Variants in EPHX3 observed in about 807,000 individuals in gnomAD.
EPHX3 encodes the protein epoxide hydrolase 3.
A neutral mutation model predicts 40.2 loss-of-function variants in EPHX3; 39 were observed. The ratio of observed to expected loss-of-function variants is 0.97; its 90% confidence interval spans 0.75 to 1.27. EPHX3 has a LOEUF of 1.27. EPHX3 is among the 50% of genes most tolerant of loss of function. The probability of loss-of-function intolerance (pLI) is 0.00; values close to 1 mark genes in which losing one functional copy is unlikely to be tolerated. For synonymous variants in EPHX3, 213 were observed against 209.7 expected (o/e 1.02, Z -0.14); for missense variants, 442 against 474.0 (o/e 0.93, Z 0.63).
intron 4 of EPHX3, among the ~76,000 whole-genome samples, chr19:15,229,917 G>GA (rs2047142066): frequency 4.0e-5 from 3 of 74,478 alleles, no homozygotes; most frequent in Admixed American, 1.5e-4. Context: ...AAAAAGAAAA[G>GA]AAAAGAAAAA....
At chr19:15,227,939 C>A in intron 5 of EPHX3, 32 bp from the exon 6 acceptor site, 1 of 1,613,962 alleles carries the variant, frequency 6.2e-7, no homozygotes, top group Non-Finnish European at 8.5e-7. Flanking sequence ...GGCTTCAGTG[C>A]CCAGCCTGCC....
Position 15,228,060 on chromosome 19 carries a change from G to A in EPHX3, c.657C>T (p.His219=). 1 of 1,612,460 alleles carries A rather than the reference G, an allele frequency of 6.2e-7. No individual in the cohort carries two copies. Among genetic ancestry groups the A allele is most frequent in the Non-Finnish European group, 8.5e-7 (1 of 1,179,086 alleles). The change falls in exon 5 of 7, where the codon CAC becomes CAT. Residue 219 remains histidine (H), a synonymous_variant. Transcript: ENST00000221730. The stretch of plus-strand genomic sequence containing the variant: ...AGGGCAGCTGGAACAGGAACATGTA[G>A]TGGGAACGGAAGAACTGGCTGATGT... ...LHHISQFFRS[H]YMFLFQLPWL... is the part of the protein sequence containing the mutation.
At chr19:15,229,570 GCA>G (rs1183410011) in intron 4 of EPHX3, among the ~76,000 whole-genome samples, 9 of 143,428 alleles carry the variant, frequency 6.3e-5, no homozygotes, top group African/African-American at 1.8e-4. Context: ...CCACTGCACT[GCA>G]CAGAGTGAGA....
At position 15,227,831 on chromosome 19, in the gene EPHX3, T is replaced by TA. The variant is rs1568371054; in HGVS notation, c.796dup (p.Tyr266LeufsTer2). The TA allele has an allele frequency of 6.2e-7, 1 of 1,614,028 alleles. No homozygotes were observed. The highest frequency in any genetic ancestry group is 1.1e-5 in the South Asian group (1 of 91,088). On this transcript the variant is annotated frameshift_variant, in exon 6 of 7. Transcript: ENST00000221730. LOFTEE classifies it high-confidence loss of function. Reference sequence around the variant, plus strand: ...GAGGCCACCAGGCTGTGAGAAGTTATAAAGGAAGGCCTCGAGCTCGCTGGG... The same window carrying TA: ...GAGGCCACCAGGCTGTGAGAAGTTATAAAAGGAAGGCCTCGAGCTCGCTGGG...
intron 4 of EPHX3, among the ~76,000 whole-genome samples, chr19:15,229,609 A>G (rs969104461): frequency 6.0e-5 from 9 of 149,770 alleles, no homozygotes; most frequent in South Asian, 2.1e-4. Context: ...AAAAAAAAAA[A>G]AGGGGCCAGG....
At chr19:15,235,545 AT>A (rs1485224114), upstream of EPHX3, 3 of 130,564 alleles carry the variant, frequency 2.3e-5, no homozygotes, top group African/African-American at 8.8e-5. Flanking sequence ...ACAAATGTTT[AT>A]TTTTGCAATG....
At chr19:15,232,521 C>A (rs1218502891), upstream of EPHX3, 3 of 998,238 alleles carry the variant, frequency 3.0e-6, no homozygotes, top group Non-Finnish European at 3.9e-6. Context: ...AGGTCCTGTG[C>A]GGGGCTTAGG....
chr19:15,230,902 C>A (rs1051195002), intron 4 of EPHX3, 60 bp downstream of exon 4: 2 of 1,592,874 alleles, frequency 1.3e-6, no homozygotes, highest in South Asian at 1.1e-5. Flanking sequence ...AAAACACAGA[C>A]ACATGTCCCT....
In EPHX3 at chr19:15,231,392, A is replaced by C; in HGVS notation, c.334T>G (p.Ser112Ala). 6.2e-7 allele frequency: 1 copy of C among 1,613,572 alleles called. No homozygotes were observed. The highest frequency in any genetic ancestry group is 8.5e-7 in the Non-Finnish European group (1 of 1,179,932). Residue 112 changes from serine (S) to alanine (A), a missense_variant, in exon 3 of 7, where the codon TCC (serine) becomes GCC (alanine). Transcript: ENST00000221730. The part of the protein sequence containing the change: ...FLHGFPENWF[S>A]WRYQLREFQS... ...AACTCCCGGAGCTGGTAACGCCAGG[A>C]GAACCTGCCAGGCGGGCGAGGGAGG...
In EPHX3 at chr19:15,231,240, C is replaced by G. The variant is rs745616505; in HGVS notation, c.486G>C (p.Leu162=). ...LVDIKDVILG[L]GYSKCILVAH... Reference sequence around the variant, plus strand: ...CCTAGGATGGGGGTATGTCTGCACCCAGGCCTAGGATGACATCTTTGATGT... The same window carrying G: ...CCTAGGATGGGGGTATGTCTGCACCGAGGCCTAGGATGACATCTTTGATGT... Residue 162 remains leucine, a splice_region_variant and synonymous_variant, in exon 3 of 7, where the codon CTG becomes CTC. Transcript: ENST00000221730. 1 of 1,613,894 alleles carries G rather than the reference C, an allele frequency of 6.2e-7. No individual in the cohort carries two copies. Among genetic ancestry groups the G allele is most frequent in the South Asian group, 1.1e-5 (1 of 91,070 alleles).
At chr19:15,229,718 C>A (rs2047139150) in intron 4 of EPHX3, among the ~76,000 whole-genome samples, 1 of 150,428 alleles carries the variant, frequency 6.6e-6, no homozygotes, top group Non-Finnish European at 1.5e-5. Context: ...CATGGTGAAA[C>A]CCCGTCTCTA....
Position 15,232,097 on chromosome 19 carries a change from A to ATTTTTTT in EPHX3, c.114_115insAAAAAAA (p.Tyr39LysfsTer38). ...ACGTGCGTGAGCGCTATGCAGCCGT[A>ATTTTTTT]GACCGCCGCGGCCACCAGCGCCACC... On this transcript the variant is annotated frameshift_variant, in exon 1 of 7. Coordinates refer to ENST00000221730, the MANE Select transcript of EPHX3 (RefSeq NM_024794.3). LOFTEE classifies it high-confidence loss of function. The ATTTTTTT allele has an allele frequency of 6.4e-7, 1 of 1,554,222 alleles. No individual in the cohort carries two copies. The highest frequency in any genetic ancestry group is 1.4e-5 in the African/African-American group (1 of 73,784).
In EPHX3 at chr19:15,231,763, G is replaced by A. The variant is rs1568372537; in HGVS notation, c.329+13C>T. ...GAGTCCCGTGGGCCTCAGGCCCCTG[G>A]CCCCAGACGTACCAGTTCTCAGGGA... On this transcript the variant is annotated intron_variant, in intron 2 of 6. Coordinates refer to ENST00000221730, the MANE Select transcript of EPHX3 (RefSeq NM_024794.3). The A allele has an allele frequency of 6.2e-7, 1 of 1,613,622 alleles. No individual in the cohort carries two copies. Among genetic ancestry groups the A allele is most frequent in the African/African-American group, 1.3e-5 (1 of 75,046 alleles).
At position 15,230,977 on chromosome 19, in the gene EPHX3, T is replaced by C. The variant is rs746724562; in HGVS notation, c.601A>G (p.Met201Val). ...ERMVVVSGAPMSVYQDYSLHH... is the reference protein window; with the variant it reads ...ERMVVVSGAPVSVYQDYSLHH... ...CCACACACACCTTGGTACACCGACATGGGGGCACCACTGACCACAACCATC... is the reference window on the plus strand; with the variant it reads ...CCACACACACCTTGGTACACCGACACGGGGGCACCACTGACCACAACCATC... The change falls in exon 4 of 7, where the codon ATG becomes GTG. Residue 201 changes from methionine (M) to valine (V), a missense_variant. Coordinates refer to ENST00000221730, the MANE Select transcript of EPHX3 (RefSeq NM_024794.3). 12 of 1,613,776 alleles carry C rather than the reference T, an allele frequency of 7.4e-6. No homozygotes were observed. The highest frequency in any genetic ancestry group is 9.3e-6 in the Non-Finnish European group (11 of 1,179,978).
At chr19:15,229,885 CAAAAAA>C (rs546876108) in intron 4 of EPHX3, among the ~76,000 whole-genome samples, 26 of 9,368 alleles carry the variant, frequency 2.8e-3, no homozygotes, top group East Asian at 5.2e-3. Context: ...GACTCTGTCT[CAAAAAA>C]AAAAAAAAAA....
chr19:15,234,878 G>C (rs530122920), upstream of EPHX3, among the ~76,000 whole-genome samples: 3 of 152,308 alleles, frequency 2.0e-5, no homozygotes, highest in South Asian at 6.2e-4. Context: ...TGCATCTCAA[G>C]AGCCGAATAG....
chr19:15,236,819 T>C (rs377382105), upstream of EPHX3: 14 of 180,636 alleles, frequency 7.8e-5, no homozygotes, highest in South Asian at 4.0e-4. Flanking sequence ...CACAAAGAAA[T>C]GTCAGGGAGA....
rs370511610 is a variant in EPHX3 at position 15,228,068 on chromosome 19, G to A, written c.649C>T (p.Arg217Cys). Residue 217 changes from arginine to cysteine, a missense_variant, in exon 5 of 7, where the codon CGT (arginine) becomes TGT (cysteine). Transcript: ENST00000221730. ...TGGAACAGGAACATGTAGTGGGAAC[G>A]GAAGAACTGGCTGATGTGGTGCAGG... ...YSLHHISQFF[R>C]SHYMFLFQLP... 41 of 1,554,522 alleles carry A rather than the reference G, an allele frequency of 2.6e-5. No individual in the cohort carries two copies. In the African/African-American group the frequency reaches 2.7e-4, roughly 10 times the overall value.
chr19:15,228,232 A>G (rs1180289993), intron 4 of EPHX3, 132 bp from the exon 5 acceptor site: 3 of 699,652 alleles, frequency 4.3e-6, no homozygotes, highest in Non-Finnish European at 7.3e-6. Flanking sequence ...TGGGTCTGTG[A>G]AGGTACTAGA....
Sources: allele counts gnomAD v4.1 joint callset (sites outside exome capture counted in the v4.1 genomes callset), GRCh38; gene constraint gnomAD v4.1.1; transcripts MANE v1.5; gene names NCBI Gene and HGNC (gene_info 2026-07-23, HGNC 2026-07-21).